Variants in UMAD1 observed in about 807,000 individuals in gnomAD.
UMAD1 encodes the protein UBAP1-MVB12-associated (UMA)-domain containing protein 1.
Under a neutral mutation model 6.1 loss-of-function variants are expected in UMAD1, and 8 were observed. The observed-to-expected ratio is 1.30, with a 90% CI of 0.76 to 2.35. The LOEUF (loss-of-function observed/expected upper bound fraction) is 2.35, where lower values mean the gene tolerates loss of function less well. UMAD1 is among the 30% of genes most tolerant of loss of function. The probability of loss-of-function intolerance (pLI) is 0.00; values close to 1 mark genes in which losing one functional copy is unlikely to be tolerated. For synonymous variants in UMAD1, 56 were observed against 31.4 expected (o/e 1.78, Z -2.61); for missense variants, 130 against 78.4 (o/e 1.66, Z -2.49).
intron 3 of UMAD1, among the ~76,000 whole-genome samples, chr7:7,826,669 A>G (rs1365765641): frequency 6.6e-6 from 1 of 152,124 alleles, no homozygotes; most frequent in African/African-American, 2.4e-5. Context: ...CAACCATAGC[A>G]GGAGGGGACT....
intron 2 of UMAD1, among the ~76,000 whole-genome samples, chr7:7,784,866 C>T (rs1483801822): frequency 1.4e-5 from 2 of 147,502 alleles, no homozygotes; most frequent in Non-Finnish European, 3.0e-5. Context: ...GGGTTCACGC[C>T]ATTCTCCTGC....
intron 2 of UMAD1, among the ~76,000 whole-genome samples, chr7:7,744,751 T>C (rs1450906928): frequency 1.3e-5 from 2 of 152,232 alleles, no homozygotes; most frequent in Non-Finnish European, 2.9e-5. Context: ...ATTTTGTTTA[T>C]TTTTAAGTCA....
chr7:7,710,239 T>A (rs1390915255), intron 2 of UMAD1, among the ~76,000 whole-genome samples: 1 of 152,142 alleles, frequency 6.6e-6, no homozygotes, highest in African/African-American at 2.4e-5. Context: ...GTGCTGTTAC[T>A]GAACATTAGT....
chr7:7,806,873 A>G (rs1045235739), intron 3 of UMAD1, among the ~76,000 whole-genome samples: 1 of 152,242 alleles, frequency 6.6e-6, no homozygotes, highest in African/African-American at 2.4e-5. Context: ...GTAAATTAGC[A>G]TGGGTTCCAT....
chr7:7,758,284 G>A (rs192372574), intron 2 of UMAD1, among the ~76,000 whole-genome samples: 56 of 151,878 alleles, frequency 3.7e-4, no homozygotes, highest in Middle Eastern at 3.4e-3. Flanking sequence ...TTTTTCTCAC[G>A]TAGCCTATCC....
intron 3 of UMAD1, among the ~76,000 whole-genome samples, chr7:7,815,862 C>T (rs2115290096): frequency 6.6e-6 from 1 of 152,200 alleles, no homozygotes. Flanking sequence ...AGGTCTCTGA[C>T]ATAGATATCA....
intron 2 of UMAD1, among the ~76,000 whole-genome samples, chr7:7,753,271 T>TA (rs1781712282): frequency 6.6e-6 from 1 of 152,224 alleles, no homozygotes; most frequent in East Asian, 1.9e-4. Flanking sequence ...TCCTTTGTGT[T>TA]ACGAACAATT....
intron 2 of UMAD1, among the ~76,000 whole-genome samples, chr7:7,695,742 A>G (rs2115145082): frequency 6.6e-6 from 1 of 152,282 alleles, no homozygotes; most frequent in South Asian, 2.1e-4. Context: ...TAGCATCTTT[A>G]ATATCTATGT....
In UMAD1 at chr7:7,748,608, A is replaced by G. The variant is rs143435256; in HGVS notation, c.83-53062A>G. ...TATCAACATTTTCCTGTGGTGGCAC[A>G]TTAATATTAATAATATAATCATAAT... On this transcript the variant is annotated intron_variant, in intron 2 of 3. Transcript: ENST00000682710. 1.6e-3 allele frequency among the ~76,000 whole-genome samples: 248 copies of G among 152,204 alleles called. 2 individuals are homozygous for G. The highest frequency in any genetic ancestry group is 5.6e-3 in the African/African-American group (234 of 41,556).
At chr7:7,721,783 A>T (rs958947364) in intron 2 of UMAD1, among the ~76,000 whole-genome samples, 28 of 152,298 alleles carry the variant, frequency 1.8e-4, no homozygotes, top group African/African-American at 6.7e-4. Context: ...CTGAGTGTCA[A>T]CTTGATTGGA....
intron 2 of UMAD1, among the ~76,000 whole-genome samples, chr7:7,747,300 T>C (rs1221769533): frequency 1.3e-5 from 2 of 152,230 alleles, no homozygotes; most frequent in Non-Finnish European, 1.5e-5. Flanking sequence ...GTATTATTCT[T>C]GCAACTATTA....
intron 2 of UMAD1, among the ~76,000 whole-genome samples, chr7:7,744,693 G>A (rs1320927682): frequency 6.6e-6 from 1 of 150,988 alleles, no homozygotes; most frequent in Non-Finnish European, 1.5e-5. Context: ...ATGTTTTCGT[G>A]TGCTTATTGG....
intron 2 of UMAD1, among the ~76,000 whole-genome samples, chr7:7,730,059 C>A (rs1319177643): frequency 6.6e-6 from 1 of 152,128 alleles, no homozygotes. Context: ...CTCGACTTTT[C>A]CCTTTTTCTG....
chr7:7,742,354 G>T (rs1278148515), intron 2 of UMAD1: 1 of 603,746 alleles, frequency 1.7e-6, no homozygotes, highest in Admixed American at 1.8e-5. Flanking sequence ...TTCTCCTGGG[G>T]GCGCTCTTCC....
At chr7:7,813,174 C>T (rs143137535) in intron 3 of UMAD1, among the ~76,000 whole-genome samples, 67 of 152,166 alleles carry the variant, frequency 4.4e-4, no homozygotes, top group South Asian at 6.2e-4. Context: ...TTTCTCCAGG[C>T]GTAGCCAGCC....
At chr7:7,652,021 G>A (rs1291954455) in intron 1 of UMAD1, among the ~76,000 whole-genome samples, 1 of 152,202 alleles carries the variant, frequency 6.6e-6, no homozygotes, top group Non-Finnish European at 1.5e-5. Flanking sequence ...TCTTGTCAGG[G>A]AGGGGTAGAA....
rs1369205548 is a variant in UMAD1 at position 7,767,564 on chromosome 7, A to C, written c.83-34106A>C. ...TTAATAAAAGGATAAATATTTTTTC[A>C]CGAGATCATCAGTAGTTTAATATGG... On this transcript the variant is annotated intron_variant, in intron 2 of 3. Transcript: ENST00000682710. 3.9e-5 allele frequency among the ~76,000 whole-genome samples: 6 copies of C among 152,318 alleles called. No homozygotes were observed. In the East Asian group the frequency reaches 1.2e-3, roughly 29 times the overall value.
At chr7:7,651,290 C>G (rs1456364896) in intron 1 of UMAD1, among the ~76,000 whole-genome samples, 2 of 152,182 alleles carry the variant, frequency 1.3e-5, no homozygotes, top group Non-Finnish European at 2.9e-5. Flanking sequence ...CCCTGAACCT[C>G]CTTGCAGGAC....
chr7:7,692,217 G>A (rs1256542132), intron 2 of UMAD1: 1 of 152,334 alleles, frequency 6.6e-6, no homozygotes, highest in Non-Finnish European at 1.5e-5. Context: ...TGGTGGTGGT[G>A]GTGGTGGAGG....
Sources: allele counts gnomAD v4.1 joint callset (sites outside exome capture counted in the v4.1 genomes callset), GRCh38; gene constraint gnomAD v4.1.1; transcripts MANE v1.5; gene names NCBI Gene and HGNC (gene_info 2026-07-23, HGNC 2026-07-21).